The following BLOC1S6 variants were observed in gnomAD, a reference collection of about 807,000 sequenced individuals.
BLOC1S6 encodes biogenesis of lysosomal organelles complex 1 subunit 6.
In BLOC1S6, 24 loss-of-function variants were observed where a neutral mutation model predicts 24.7. The ratio of observed to expected loss-of-function variants is 0.97; its 90% CI spans 0.70 to 1.37. The LOEUF is 1.37. Among genes scored for constraint, BLOC1S6 ranks in the 40% most tolerant of loss-of-function variants. BLOC1S6 has a pLI of 0.00. For missense variants in BLOC1S6, 175 were observed against 196.2 expected (o/e 0.89, Z 0.64); for synonymous variants, 76 against 72.6 (o/e 1.05, Z -0.23).
chr15:45,592,271 A>T lies in BLOC1S6; in HGVS notation c.219A>T (p.Glu73Asp), dbSNP rs1893915928. ...DLQRSKQALQ[E>D]LTQNQVVLLD... ...AGAGATCAAAACAAGCCCTCCAGGA[A>T]CTCACGTAAGCTAATAAAAAACCAG... The change falls in exon 2 of 5, where the codon GAA (glutamate) becomes GAT (aspartate). Residue 73 changes from glutamate (E) to aspartate (D), a missense_variant. Transcript: ENST00000220531. 7 of 1,613,806 alleles carry T rather than the reference A, an allele frequency of 4.3e-6. No homozygotes were observed. The highest frequency in any genetic ancestry group is 3.4e-6 in the Non-Finnish European group (4 of 1,180,010).
intron 2 of BLOC1S6, among the ~76,000 whole-genome samples, chr15:45,602,085 A>T (rs1005312364): frequency 2.6e-5 from 4 of 151,766 alleles, no homozygotes; most frequent in Middle Eastern, 3.4e-3. Flanking sequence ...GTTTTTGTAG[A>T]GGGTCTTGCT....
chr15:45,602,976 T>G, intron 2 of BLOC1S6, 124 bp from the exon 3 acceptor site: 1 of 697,800 alleles, frequency 1.4e-6, no homozygotes, highest in Admixed American at 2.1e-5. Flanking sequence ...AAATAAACCT[T>G]AGAGAGTTAA....
rs377592002 is a variant in BLOC1S6 at position 45,597,744 on chromosome 15, C to A, written c.225-5356C>A. 8.5e-5 allele frequency: 16 copies of A among 188,104 alleles called. No homozygotes were observed. The East Asian group carries it at 1.8e-3, about 21-fold the overall frequency. 11.7% of individuals were successfully genotyped at this position (188,104 alleles called of 1,614,324 possible). A position where few individuals can be genotyped will look rare whatever the true frequency, so the allele number is the denominator to read the frequency against. ...TATCCTGAAATCTTACTATACTTGC[C>A]TATTAGTTTCAGGAGGTTTCTTGTT... On this transcript the variant is annotated intron_variant, in intron 2 of 4. Coordinates refer to ENST00000220531, the MANE Select transcript of BLOC1S6 (RefSeq NM_012388.4).
At chr15:45,588,034 C>T (rs1315719733) in intron 1 of BLOC1S6, among the ~76,000 whole-genome samples, 1 of 152,228 alleles carries the variant, frequency 6.6e-6, no homozygotes, top group Non-Finnish European at 1.5e-5. Context: ...AATTAACTTG[C>T]TGTGCACCCA....
chr15:45,592,877 G>C (rs1893935243), intron 2 of BLOC1S6, among the ~76,000 whole-genome samples: 1 of 152,078 alleles, frequency 6.6e-6, no homozygotes, highest in Non-Finnish European at 1.5e-5. Context: ...CCTCCTCCTG[G>C]GTCGGGACCT....
At chr15:45,598,310 A>G (rs1251724234) in intron 2 of BLOC1S6, 3 of 135,136 alleles carry the variant, frequency 2.2e-5, no homozygotes, top group Non-Finnish European at 4.7e-5. Flanking sequence ...CCTATTCAAC[A>G]TAGTGTTGGA....
intron 1 of BLOC1S6, among the ~76,000 whole-genome samples, chr15:45,590,289 A>T (rs1175880407): frequency 6.6e-6 from 1 of 151,974 alleles, no homozygotes; most frequent in Non-Finnish European, 1.5e-5. Flanking sequence ...TTGCCTTGCA[A>T]CTTTGAGAAG....
At position 45,605,482 on chromosome 15, in the gene BLOC1S6, C is replaced by CA. The variant is rs752754517; in HGVS notation, c.367_368insA (p.Leu123HisfsTer5). 2.5e-6 allele frequency: 4 copies of CA among 1,611,776 alleles called. No homozygotes were observed. In the East Asian group the frequency reaches 8.9e-5, roughly 36 times the overall value. ...GTTGGTGAATATAAGAAAAGAGATG[C>CA]TGATGCTTCATGAAAAAACATCAAA... is the stretch of plus-strand genomic sequence containing the variant. On this transcript the variant is annotated frameshift_variant, in exon 4 of 5. Transcript: ENST00000220531. LOFTEE classifies it high-confidence loss of function.
At chr15:45,595,334 C>T (rs540649558) in intron 2 of BLOC1S6, among the ~76,000 whole-genome samples, 32 of 152,186 alleles carry the variant, frequency 2.1e-4, no homozygotes, top group Admixed American at 1.6e-3. Context: ...CCAAGGAGCT[C>T]ATGGATAACA....
intron 2 of BLOC1S6, among the ~76,000 whole-genome samples, chr15:45,595,217 T>C (rs1312950278): frequency 6.6e-6 from 1 of 152,206 alleles, no homozygotes; most frequent in Non-Finnish European, 1.5e-5. Flanking sequence ...ACTTGGAATG[T>C]CTCTATTATT....
intron 1 of BLOC1S6, among the ~76,000 whole-genome samples, chr15:45,589,194 T>C (rs1893795201): frequency 6.6e-6 from 1 of 152,230 alleles, no homozygotes. Flanking sequence ...TAGATCCCTA[T>C]ATGTTGGTAT....
chr15:45,587,302 C>T (rs2140898858), upstream of BLOC1S6: 1 of 801,650 alleles, frequency 1.2e-6, no homozygotes, highest in Non-Finnish European at 2.1e-6. Context: ...AGCGCGTGAT[C>T]GAAGCCCGCA....
At chr15:45,605,670 A>T in intron 4 of BLOC1S6, 156 bp downstream of exon 4, 1 of 585,290 alleles carries the variant, frequency 1.7e-6, no homozygotes. Flanking sequence ...GCTCACTGCA[A>T]CCTCTGCCTC....
rs987520388 is a variant in BLOC1S6, at chr15:45,605,574, T to G, written c.399+60T>G. ...GTAGAGGTTTAATTGTTTTTTGTTGTTTTTTTTTTTTTTCAGTATTCTTTT... is the reference window on the plus strand; with the variant it reads ...GTAGAGGTTTAATTGTTTTTTGTTGGTTTTTTTTTTTTTCAGTATTCTTTT... On this transcript the variant is annotated intron_variant, in intron 4 of 4. Coordinates refer to ENST00000220531, the MANE Select transcript of BLOC1S6 (RefSeq NM_012388.4). 6.0e-5 allele frequency: 39 copies of G among 651,858 alleles called. No homozygotes were observed. In the East Asian group the frequency reaches 6.7e-4, roughly 11 times the overall value. The allele number at this position is 651,858 out of a possible 1,614,324, so 40.4% of individuals were successfully genotyped here.
In BLOC1S6 at chr15:45,606,402, C is replaced by T. The variant is rs757579264; in HGVS notation, c.407C>T (p.Ala136Val). 1.2e-6 allele frequency: 2 copies of T among 1,613,700 alleles called. No individual in the cohort carries two copies. Among genetic ancestry groups the T allele is most frequent in the Admixed American group, 3.3e-5 (2 of 59,980 alleles). ...ATTTTTTTTTTAACACAGAAAAGAG[C>T]ACTTAAACTGCAGCAGAAGAGGCAA... ...HEKTSKLKKRALKLQQKRQKE... is the reference protein window; with the variant it reads ...HEKTSKLKKRVLKLQQKRQKE... Residue 136 changes from alanine (A) to valine (V), a missense_variant, in exon 5 of 5, where the codon GCA becomes GTA. Transcript: ENST00000220531.
At chr15:45,587,193 C>G (rs928465335), upstream of BLOC1S6, 11 of 565,852 alleles carry the variant, frequency 1.9e-5, no homozygotes, top group Non-Finnish European at 3.5e-5. Flanking sequence ...CGCAGGGACT[C>G]GAGCCCCACA....
chr15:45,606,859 A>T lies in BLOC1S6; in HGVS notation c.*345A>T. 1 of 247,778 alleles carries T rather than the reference A, an allele frequency of 4.0e-6. No homozygotes were observed. Among genetic ancestry groups the T allele is most frequent in the Non-Finnish European group, 7.8e-6 (1 of 128,446 alleles). The allele number at this position is 247,778 out of a possible 1,614,324, so 15.3% of individuals were successfully genotyped here. On this transcript the variant is annotated 3_prime_UTR_variant, in exon 5 of 5. Coordinates refer to ENST00000220531, the MANE Select transcript of BLOC1S6 (RefSeq NM_012388.4). ...GCTTCTTAATGAATATGGATTTAAA[A>T]CTCTCCAGTTCTTATTTTATGAAAT...
rs556503190 is a variant in BLOC1S6, at chr15:45,587,700, A to G, written c.82+175A>G. The G allele has an allele frequency of 1.0e-3, 735 of 732,442 alleles. 2 individuals carry two copies. Among genetic ancestry groups the G allele is most frequent in the Non-Finnish European group, 1.5e-3 (632 of 412,446 alleles). The allele number at this position is 732,442 out of a possible 1,614,324, so 45.4% of individuals were successfully genotyped here. ...CGCGCCGGCCCCTCTGCCCAGCGCAATGGGCGGAACTGAAGTCCCGAGGGG... is the reference window on the plus strand; with the variant it reads ...CGCGCCGGCCCCTCTGCCCAGCGCAGTGGGCGGAACTGAAGTCCCGAGGGG... On this transcript the variant is annotated intron_variant, in intron 1 of 4. Coordinates refer to ENST00000220531, the MANE Select transcript of BLOC1S6 (RefSeq NM_012388.4).
intron 3 of BLOC1S6, among the ~76,000 whole-genome samples, chr15:45,603,423 A>G (rs557218506): frequency 4.4e-4 from 67 of 152,342 alleles, no homozygotes; most frequent in African/African-American, 1.5e-3. Flanking sequence ...AGAAAAGAGA[A>G]CTTAGACTTG....
Sources: gnomAD v4.1 joint callset for allele counts (sites outside exome capture counted in the v4.1 genomes callset) on GRCh38, gnomAD v4.1.1 for gene constraint, MANE v1.5 for transcripts, NCBI Gene and HGNC (gene_info 2026-07-23, HGNC 2026-07-21) for gene names.